Variants in TMEM135 observed in about 807,000 individuals in gnomAD.
TMEM135 encodes peroxisomal membrane protein 52.
Under a neutral mutation model 60.3 loss-of-function variants are expected in TMEM135, and 30 were observed. The observed-to-expected ratio is 0.50, with a 90% CI of 0.37 to 0.68. The LOEUF is 0.68. Ranked by LOEUF, TMEM135 falls within the 30% of genes least tolerant of loss-of-function variation. The pLI, the probability that TMEM135 is intolerant of heterozygous loss-of-function variation, is 0.00. For synonymous variants in TMEM135, 190 were observed against 186.7 expected, an observed-to-expected ratio of 1.02 and a Z score of -0.14; for missense variants, 468 against 548.8, an observed-to-expected ratio of 0.85 and a Z score of 1.47.
rs1426979186 is a variant in TMEM135, at chr11:87,235,712, T to A, written c.463-926T>A. Among the ~76,000 whole-genome samples the A allele has an allele frequency of 2.0e-5, 3 of 151,990 alleles. No individual in the cohort carries two copies. In the East Asian group the frequency reaches 5.8e-4, roughly 29 times the overall value. ...GTTGTTTTTTAACATAAGAATGCAT[T>A]CTACAATTTTAATTTTTGTGATTTA... On this transcript the variant is annotated intron_variant, in intron 5 of 14. Coordinates refer to ENST00000305494, the MANE Select transcript of TMEM135 (RefSeq NM_022918.4).
intron 5 of TMEM135, among the ~76,000 whole-genome samples, chr11:87,166,026 C>G (rs1022823174): frequency 6.6e-6 from 1 of 150,982 alleles, no homozygotes; most frequent in Admixed American, 6.6e-5. Context: ...TACACTCTCC[C>G]AAGACTAAAC....
intron 6 of TMEM135, among the ~76,000 whole-genome samples, chr11:87,278,485 C>T (rs751263919): frequency 1.3e-5 from 2 of 151,622 alleles, no homozygotes; most frequent in Non-Finnish European, 2.9e-5. Context: ...CCTGCCTCAA[C>T]CTCCCTATTA....
At chr11:87,282,443 T>G (rs1238281737) in intron 6 of TMEM135, among the ~76,000 whole-genome samples, 1 of 152,148 alleles carries the variant, frequency 6.6e-6, no homozygotes, top group Non-Finnish European at 1.5e-5. Flanking sequence ...TTTTGTATTT[T>G]TAGTAGAGAA....
At chr11:87,055,321 A>T (rs1302091099) in intron 1 of TMEM135, among the ~76,000 whole-genome samples, 1 of 152,238 alleles carries the variant, frequency 6.6e-6, no homozygotes, top group Non-Finnish European at 1.5e-5. Flanking sequence ...CAATTTCACA[A>T]ATCCAATACC....
intron 5 of TMEM135, among the ~76,000 whole-genome samples, chr11:87,231,664 T>G (rs1184027760): frequency 1.3e-5 from 2 of 152,104 alleles, no homozygotes; most frequent in Non-Finnish European, 2.9e-5. Flanking sequence ...AATGAAGAGA[T>G]AAATCAGCAA....
At chr11:87,304,586 A>G (rs1347151848) in intron 8 of TMEM135, among the ~76,000 whole-genome samples, 1 of 152,174 alleles carries the variant, frequency 6.6e-6, no homozygotes, top group Non-Finnish European at 1.5e-5. Flanking sequence ...CTAAAGATAT[A>G]AGGGCTGTGG....
chr11:87,220,041 C>A (rs368864846), intron 5 of TMEM135, among the ~76,000 whole-genome samples: 10 of 152,282 alleles, frequency 6.6e-5, no homozygotes, highest in African/African-American at 2.4e-4. Context: ...ATTAGCAATA[C>A]TTTAATGTTT....
chr11:87,170,627 A>G (rs910518333), intron 5 of TMEM135, among the ~76,000 whole-genome samples: 2 of 152,114 alleles, frequency 1.3e-5, no homozygotes, highest in Non-Finnish European at 2.9e-5. Flanking sequence ...AGGCTGCAGA[A>G]CAGCAAAGAT....
intron 4 of TMEM135, among the ~76,000 whole-genome samples, chr11:87,149,417 A>G (rs1008915201): frequency 1.7e-4 from 26 of 152,194 alleles, no homozygotes; most frequent in African/African-American, 5.5e-4. Context: ...GGGAGAGGGA[A>G]GGGGAAGAGA....
intron 6 of TMEM135, among the ~76,000 whole-genome samples, chr11:87,255,779 G>A (rs1333637672): frequency 1.3e-5 from 2 of 152,156 alleles, no homozygotes; most frequent in African/African-American, 4.8e-5. Context: ...AGGAAGTGAA[G>A]GTGAAGAGAA....
At chr11:87,152,046 C>T (rs773217868) in intron 4 of TMEM135, among the ~76,000 whole-genome samples, 7 of 152,184 alleles carry the variant, frequency 4.6e-5, no homozygotes, top group African/African-American at 1.7e-4. Context: ...TCCACCAGTT[C>T]TCAGTCTTAC....
At chr11:87,184,601 G>A (rs1358120359) in intron 5 of TMEM135, among the ~76,000 whole-genome samples, 1 of 152,106 alleles carries the variant, frequency 6.6e-6, no homozygotes, top group East Asian at 1.9e-4. Flanking sequence ...TGGACTTTAT[G>A]TGTATTTCAT....
intron 5 of TMEM135, among the ~76,000 whole-genome samples, chr11:87,231,183 C>T (rs1213948578): frequency 1.3e-5 from 2 of 152,016 alleles, no homozygotes; most frequent in African/African-American, 2.4e-5. Flanking sequence ...AAAGTGTAGG[C>T]GGACCATGCT....
intron 5 of TMEM135, among the ~76,000 whole-genome samples, chr11:87,215,542 A>T (rs1940481837): frequency 6.6e-6 from 1 of 152,124 alleles, no homozygotes; most frequent in African/African-American, 2.4e-5. Flanking sequence ...TGGCTAGTTC[A>T]TATTTATGTA....
At chr11:87,247,658 C>G (rs1395088472) in intron 6 of TMEM135, among the ~76,000 whole-genome samples, 2 of 152,216 alleles carry the variant, frequency 1.3e-5, no homozygotes, top group Non-Finnish European at 2.9e-5. Flanking sequence ...ACCCTCCGAG[C>G]CAGGTGTGGG....
intron 6 of TMEM135, chr11:87,258,923 T>C: frequency 7.3e-7 from 1 of 1,368,950 alleles, no homozygotes; most frequent in East Asian, 2.3e-5. Flanking sequence ...CCTAGAAGTA[T>C]CTGCTGCTGC....
intron 6 of TMEM135, among the ~76,000 whole-genome samples, chr11:87,264,307 CTTTTCT>C (rs1222293044): frequency 2.0e-5 from 3 of 146,650 alleles, no homozygotes; most frequent in Admixed American, 1.4e-4. Context: ...TGTTCTTTTT[CTTTTCT>C]TTTTTTTTGT....
chr11:87,128,161 T>C (rs1937790818), intron 4 of TMEM135, among the ~76,000 whole-genome samples: 1 of 152,226 alleles, frequency 6.6e-6, no homozygotes, highest in Admixed American at 6.5e-5. Context: ...ACCTTAATTT[T>C]CTGTTAAGGA....
At chr11:87,269,144 A>G (rs1009705654) in intron 6 of TMEM135, among the ~76,000 whole-genome samples, 2 of 148,046 alleles carry the variant, frequency 1.4e-5, no homozygotes, top group South Asian at 2.1e-4. Context: ...TTTTTTTATT[A>G]TAGTCTTTTA....
Sources: gnomAD v4.1 joint callset for allele counts (sites outside exome capture counted in the v4.1 genomes callset) on GRCh38, gnomAD v4.1.1 for gene constraint, MANE v1.5 for transcripts, NCBI Gene and HGNC (gene_info 2026-07-23, HGNC 2026-07-21) for gene names.